Variants in ZNF704 observed in about 807,000 individuals in gnomAD.
The protein encoded by ZNF704 is zinc finger protein 704.
A neutral mutation model predicts 44.7 loss-of-function variants in ZNF704; 10 were observed. The observed-to-expected ratio is 0.22, with a 90% CI of 0.14 to 0.38. The LOEUF is 0.38. ZNF704 is among the 10% of genes least tolerant of loss of function. The pLI, the probability that ZNF704 is intolerant of heterozygous loss-of-function variation, is 1.00. For synonymous variants in ZNF704, 211 were observed against 207.6 expected, an observed-to-expected ratio of 1.02 and a Z score of -0.14; for missense variants, 390 against 545.5, an observed-to-expected ratio of 0.71 and a Z score of 2.84.
At chr8:80,810,470 CT>C (rs138732265) in intron 2 of ZNF704, among the ~76,000 whole-genome samples, 4 of 150,726 alleles carry the variant, frequency 2.7e-5, no homozygotes, top group East Asian at 1.9e-4. Context: ...TATTAATGAG[CT>C]TTTTTTTAAC....
chr8:80,705,419 T>C (rs566496824), intron 2 of ZNF704, among the ~76,000 whole-genome samples: 1 of 151,758 alleles, frequency 6.6e-6, no homozygotes, highest in East Asian at 2.0e-4. Flanking sequence ...TCTGTCTGTG[T>C]TTGTGTTCAT....
At chr8:80,722,687 G>A (rs1456117487) in intron 2 of ZNF704, among the ~76,000 whole-genome samples, 1 of 152,220 alleles carries the variant, frequency 6.6e-6, no homozygotes, top group East Asian at 1.9e-4. Context: ...AGTTTTTATA[G>A]AAATAATGCA....
intron 7 of ZNF704, chr8:80,658,648 C>T (rs1027759052): frequency 6.6e-6 from 1 of 152,226 alleles, no homozygotes; most frequent in African/African-American, 2.4e-5. Context: ...CCCAAATTGC[C>T]TCTAGCAGTA....
intron 4 of ZNF704, among the ~76,000 whole-genome samples, chr8:80,672,975 G>A (rs765537261): frequency 2.6e-5 from 4 of 151,890 alleles, no homozygotes; most frequent in Admixed American, 6.6e-5. Context: ...TCTAATTAAC[G>A]TAGTAAATAA....
chr8:80,651,709 A>G (rs1257032409), intron 7 of ZNF704, among the ~76,000 whole-genome samples: 1 of 152,160 alleles, frequency 6.6e-6, no homozygotes. Context: ...CTCCCACACA[A>G]TAATAATGGG....
intron 2 of ZNF704, among the ~76,000 whole-genome samples, chr8:80,797,654 A>C (rs1807829178): frequency 6.6e-6 from 1 of 152,054 alleles, no homozygotes; most frequent in African/African-American, 2.4e-5. Flanking sequence ...AAGCCCACGG[A>C]GGGTTTCCTG....
chr8:80,830,065 T>C (rs1282766262), intron 1 of ZNF704, among the ~76,000 whole-genome samples: 1 of 151,898 alleles, frequency 6.6e-6, no homozygotes, highest in Non-Finnish European at 1.5e-5. Context: ...TCAATTATTA[T>C]ATTTAAGACA....
intron 2 of ZNF704, among the ~76,000 whole-genome samples, chr8:80,754,459 C>T (rs145181886): frequency 1.2e-4 from 19 of 152,284 alleles, no homozygotes; most frequent in African/African-American, 3.4e-4. Flanking sequence ...AAACCCTCCA[C>T]AAAATTTCTT....
chr8:80,837,369 A>ATT (rs1451026518), intron 1 of ZNF704, among the ~76,000 whole-genome samples: 3 of 152,144 alleles, frequency 2.0e-5, no homozygotes, highest in Non-Finnish European at 4.4e-5. Context: ...GGTTTATTTT[A>ATT]TTTTTAAATT....
At chr8:80,812,354 C>A in intron 2 of ZNF704, 2 of 185,832 alleles carry the variant, frequency 1.1e-5, no homozygotes, top group South Asian at 1.4e-4. Context: ...ACATCTCTCC[C>A]AGTTTTTTCG....
intron 2 of ZNF704, among the ~76,000 whole-genome samples, chr8:80,803,193 A>G (rs1293988050): frequency 6.6e-6 from 1 of 152,184 alleles, no homozygotes; most frequent in African/African-American, 2.4e-5. Context: ...AGAGGACACT[A>G]AACAAATGGA....
chr8:80,756,297 A>T (rs1463219429), intron 2 of ZNF704, among the ~76,000 whole-genome samples: 2 of 152,166 alleles, frequency 1.3e-5, no homozygotes, highest in Non-Finnish European at 2.9e-5. Flanking sequence ...TTTCCACTAC[A>T]ATGGAAACAA....
chr8:80,709,771 C>T (rs1818956595), intron 2 of ZNF704, among the ~76,000 whole-genome samples: 1 of 152,060 alleles, frequency 6.6e-6, no homozygotes, highest in Admixed American at 6.5e-5. Context: ...CTCTACCGTG[C>T]TAGGACCTTG....
At chr8:80,737,934 G>T (rs1324854020) in intron 2 of ZNF704, among the ~76,000 whole-genome samples, 1 of 152,086 alleles carries the variant, frequency 6.6e-6, no homozygotes, top group Non-Finnish European at 1.5e-5. Flanking sequence ...CCAAATCCAG[G>T]ATACTAAATT....
chr8:80,790,451 G>C (rs988800737), intron 2 of ZNF704, among the ~76,000 whole-genome samples: 1 of 152,152 alleles, frequency 6.6e-6, no homozygotes, highest in African/African-American at 2.4e-5. Context: ...TGGTGTGTTA[G>C]AAAGGTACCG....
intron 1 of ZNF704, among the ~76,000 whole-genome samples, chr8:80,840,651 T>A (rs544090428): frequency 2.6e-5 from 4 of 152,170 alleles, no homozygotes; most frequent in African/African-American, 9.7e-5. Context: ...AAGTTATCAA[T>A]AGAGTCGTCT....
chr8:80,870,801 C>T (rs912722259), intron 1 of ZNF704, among the ~76,000 whole-genome samples: 6 of 152,082 alleles, frequency 3.9e-5, no homozygotes, highest in Admixed American at 3.9e-4. Flanking sequence ...CAAATTCCTC[C>T]CACTATCCCT....
rs1585913780 is a variant in ZNF704, at chr8:80,639,792, A to T, written c.*1574T>A. The stretch of plus-strand genomic sequence containing the variant: ...AAGTGTATGTATAATCTCTAGACAT[A>T]TATTAAACTTTCCTCTGTGCAATTT... On this transcript the variant is annotated 3_prime_UTR_variant, in exon 9 of 9. Coordinates refer to ENST00000327835, the MANE Select transcript of ZNF704 (RefSeq NM_001033723.3). 6.5e-6 allele frequency: 1 copy of T among 152,754 alleles called. No individual in the cohort carries two copies. Among genetic ancestry groups the T allele is most frequent in the Non-Finnish European group, 1.5e-5 (1 of 68,038 alleles). The allele number at this position is 152,754 out of a possible 1,614,324, so 9.5% of individuals were successfully genotyped here.
chr8:80,853,561 T>A (rs111741191), intron 1 of ZNF704, among the ~76,000 whole-genome samples: 1,788 of 150,746 alleles, frequency 0.012, 30 homozygotes, highest in African/African-American at 0.041. Context: ...AAAAAAAAAT[T>A]AAAAAAAAGA....
Sources: gnomAD v4.1 joint callset for allele counts (sites outside exome capture counted in the v4.1 genomes callset) on GRCh38, gnomAD v4.1.1 for gene constraint, MANE v1.5 for transcripts, NCBI Gene and HGNC (gene_info 2026-07-23, HGNC 2026-07-21) for gene names.